Variants in TLK2 observed in about 807,000 individuals in gnomAD.
The protein encoded by TLK2 is serine/threonine-protein kinase tousled-like 2.
TLK2 carries 6 observed loss-of-function variants against 117.3 expected under a neutral mutation model. The observed-to-expected ratio is 0.05, with a 90% confidence interval of 0.03 to 0.10. TLK2 has a LOEUF of 0.10. Ranked by LOEUF, TLK2 falls within the 10% of genes least tolerant of loss-of-function variation. The probability of loss-of-function intolerance (pLI) is 1.00; values close to 1 mark genes in which losing one functional copy is unlikely to be tolerated. For synonymous variants in TLK2, 257 were observed against 316.7 expected (o/e 0.81, Z 2.00); for missense variants, 299 against 901.2 (o/e 0.33, Z 8.56).
At chr17:62,580,310 A>T (rs912261822) in intron 15 of TLK2, 118 bp downstream of exon 15, 1 of 680,036 alleles carries the variant, frequency 1.5e-6, no homozygotes, top group Admixed American at 3.6e-5. Flanking sequence ...AAATTCAAAA[A>T]CTTTAAAAAC....
At chr17:62,553,127 G>A (rs2078600446) in intron 8 of TLK2, among the ~76,000 whole-genome samples, 1 of 152,154 alleles carries the variant, frequency 6.6e-6, no homozygotes, top group African/African-American at 2.4e-5. Flanking sequence ...CTTCAAGACA[G>A]GATCGTTGGC....
At chr17:62,591,339 T>A (rs1338226116) in intron 16 of TLK2, among the ~76,000 whole-genome samples, 2 of 151,762 alleles carry the variant, frequency 1.3e-5, no homozygotes, top group African/African-American at 4.8e-5. Context: ...AAAACTGTAC[T>A]GTTAAATATA....
At chr17:62,594,101 T>C (rs1312653775) in intron 16 of TLK2, among the ~76,000 whole-genome samples, 3 of 151,172 alleles carry the variant, frequency 2.0e-5, no homozygotes, top group Non-Finnish European at 4.4e-5. Context: ...TCTCTAAAAT[T>C]TAAATAATTA....
At chr17:62,500,272 C>T (rs1429650626) in intron 2 of TLK2, among the ~76,000 whole-genome samples, 1 of 151,722 alleles carries the variant, frequency 6.6e-6, no homozygotes. Context: ...GAAAAAGATA[C>T]TGTATAAACA....
intron 9 of TLK2, among the ~76,000 whole-genome samples, chr17:62,556,468 G>A (rs569529826): frequency 6.6e-6 from 1 of 152,022 alleles, no homozygotes; most frequent in East Asian, 1.9e-4. Flanking sequence ...CTGCCTTACC[G>A]ACCTGAGAAT....
rs185040332 is a variant in TLK2 at position 62,508,433 on chromosome 17, A to G, written c.82-12340A>G. 18 of 972,310 alleles carry G rather than the reference A, an allele frequency of 1.9e-5. No individual in the cohort carries two copies. The Admixed American group carries it at 8.0e-4, about 43-fold the overall frequency. The allele number at this position is 972,310 out of a possible 1,614,324, so 60.2% of individuals were successfully genotyped here. ...GAAAACTAGAAAAGAGGAGGAAAAAACAATAAATATGCAAGAAGAAATAAA... is the reference window on the plus strand; with the variant it reads ...GAAAACTAGAAAAGAGGAGGAAAAAGCAATAAATATGCAAGAAGAAATAAA... On this transcript the variant is annotated intron_variant, in intron 2 of 21. Transcript: ENST00000346027.
intron 15 of TLK2, among the ~76,000 whole-genome samples, chr17:62,584,107 GTTTTTTTTTTTTT>G (rs572000997): frequency 1.3e-4 from 10 of 78,526 alleles, no homozygotes; most frequent in Admixed American, 1.3e-3. Flanking sequence ...TTCTTTTGTG[GTTTTTTTTTTTTT>G]TTTTTTTTTT....
chr17:62,570,186 A>C (rs2080162935), intron 11 of TLK2, among the ~76,000 whole-genome samples: 1 of 152,228 alleles, frequency 6.6e-6, no homozygotes, highest in South Asian at 2.1e-4. Flanking sequence ...ATCCTGAGGT[A>C]CTAACGACTT....
intron 2 of TLK2, among the ~76,000 whole-genome samples, chr17:62,515,022 T>C (rs1366256526): frequency 6.6e-6 from 1 of 152,222 alleles, no homozygotes; most frequent in African/African-American, 2.4e-5. Flanking sequence ...AAACAACTCC[T>C]CATCTCTACC....
At chr17:62,565,968 G>T (rs1246300615) in intron 11 of TLK2, among the ~76,000 whole-genome samples, 1 of 152,210 alleles carries the variant, frequency 6.6e-6, no homozygotes, top group African/African-American at 2.4e-5. Context: ...GAAGGCAGTG[G>T]TGACCAGCCC....
At chr17:62,546,402 T>C (rs1191129408) in intron 7 of TLK2, among the ~76,000 whole-genome samples, 2 of 130,210 alleles carry the variant, frequency 1.5e-5, no homozygotes, top group Non-Finnish European at 3.2e-5. Flanking sequence ...AATTTTGTTT[T>C]ACTGTTTCTT....
intron 7 of TLK2, among the ~76,000 whole-genome samples, chr17:62,537,194 C>T (rs562041796): frequency 3.9e-4 from 60 of 152,136 alleles, no homozygotes; most frequent in Non-Finnish European, 7.9e-4. Context: ...GTCTATAAGT[C>T]TCCAATCCAC....
intron 16 of TLK2, among the ~76,000 whole-genome samples, chr17:62,595,183 G>A (rs1176732444): frequency 6.6e-6 from 1 of 151,680 alleles, no homozygotes; most frequent in African/African-American, 2.4e-5. Context: ...GGCTGGTCTC[G>A]AACTCCTGAC....
chr17:62,554,581 C>G (rs1390630499), intron 9 of TLK2, among the ~76,000 whole-genome samples: 4 of 151,588 alleles, frequency 2.6e-5, no homozygotes, highest in Non-Finnish European at 5.9e-5. Flanking sequence ...TACTTTGTCT[C>G]AAGAAAAAAA....
Position 62,589,217 on chromosome 17 carries a change from A to T in TLK2, c.1460+2991A>T, listed in dbSNP as rs1237125792. Among the ~76,000 whole-genome samples, 4 of 152,306 alleles carry T rather than the reference A, an allele frequency of 2.6e-5. No individual in the cohort carries two copies. The East Asian group carries it at 5.8e-4, about 22-fold the overall frequency. On this transcript the variant is annotated intron_variant, in intron 16 of 21. Transcript: ENST00000346027. ...TTTATTTTAAAAATTTAGTATTACG[A>T]CTGCTTTAACTCCCTCAAATAACAT...
chr17:62,570,868 T>C (rs1384458163), intron 11 of TLK2, among the ~76,000 whole-genome samples: 1 of 152,206 alleles, frequency 6.6e-6, no homozygotes, highest in Non-Finnish European at 1.5e-5. Flanking sequence ...AGGTGATTGC[T>C]AAAATCTCAA....
chr17:62,477,725 G>A (rs557237793), upstream of TLK2: 1 of 152,446 alleles, frequency 6.6e-6, no homozygotes, highest in Admixed American at 6.5e-5. Flanking sequence ...AGCCTGTCCT[G>A]GCTCAGGGGC....
intron 1 of TLK2, among the ~76,000 whole-genome samples, chr17:62,480,620 T>C (rs986381914): frequency 6.6e-6 from 1 of 152,204 alleles, no homozygotes; most frequent in African/African-American, 2.4e-5. Context: ...AGGAGCTGTA[T>C]AATAGTGATT....
chr17:62,549,419 A>AAAGT lies in TLK2; in HGVS notation c.532-2881_532-2880insGTAA, dbSNP rs1555630564. ...ATCTCAAAAAAAAAAAAAAAAAAAA[A>AAAGT]AAAAAAAAAAAAAAAAAATAGAAAC... is the stretch of plus-strand genomic sequence containing the variant. On this transcript the variant is annotated intron_variant, in intron 7 of 21. Transcript: ENST00000346027. Among the ~76,000 whole-genome samples, 58 of 7,758 alleles carry AAAGT rather than the reference A, an allele frequency of 7.5e-3. 4 individuals are homozygous for AAAGT. The highest frequency in any genetic ancestry group is 0.021 in the Non-Finnish European group (44 of 2,094). The allele number at this position is 7,758 out of a possible 152,430, so 5.1% of individuals were successfully genotyped here. A position where few individuals can be genotyped will look rare whatever the true frequency, so the allele number is the denominator to read the frequency against.
Sources: allele counts gnomAD v4.1 joint callset (sites outside exome capture counted in the v4.1 genomes callset), GRCh38; gene constraint gnomAD v4.1.1; transcripts MANE v1.5; gene names NCBI Gene and HGNC (gene_info 2026-07-23, HGNC 2026-07-21).